SARS2: variants seen among roughly 807,000 people sequenced by gnomAD.
SARS2 encodes the protein seryl-tRNA synthetase 2, mitochondrial.
In SARS2, 52 loss-of-function variants were observed where a neutral mutation model predicts 66.8. The ratio of observed to expected loss-of-function variants is 0.78; its 90% CI spans 0.62 to 0.98. The LOEUF (loss-of-function observed/expected upper bound fraction) is 0.98, where lower values mean the gene tolerates loss of function less well. Among genes scored for constraint, SARS2 ranks in the 50% least tolerant of loss-of-function variants. The probability of loss-of-function intolerance (pLI) is 0.00; values close to 1 mark genes in which losing one functional copy is unlikely to be tolerated. For missense variants in SARS2, 673 were observed against 706.3 expected, an observed-to-expected ratio of 0.95 and a Z score of 0.53; for synonymous variants, 306 against 281.4, an observed-to-expected ratio of 1.09 and a Z score of -0.87.
chr19:38,917,376 C>T (rs891919330), intron 12 of SARS2, among the ~76,000 whole-genome samples: 12 of 152,246 alleles, frequency 7.9e-5, no homozygotes, highest in African/African-American at 2.9e-4. Flanking sequence ...CAACCTCTGG[C>T]TCCCCCTTTT....
At chr19:38,918,382 A>G (rs752619987) in intron 9 of SARS2, 40 bp downstream of exon 9, 26 of 1,567,776 alleles carry the variant, frequency 1.7e-5, no homozygotes, top group Non-Finnish European at 2.2e-5. Context: ...GTCCTTCCAC[A>G]TCACTCCTGC....
chr19:38,926,950 T>C (rs1183662460), intron 1 of SARS2, among the ~76,000 whole-genome samples: 2 of 150,308 alleles, frequency 1.3e-5, no homozygotes, highest in Non-Finnish European at 3.0e-5. Context: ...TTTTTTTTTT[T>C]TTCTGAGACA....
At chr19:38,921,070 TACAGAC>T (rs1249589998) in intron 5 of SARS2, among the ~76,000 whole-genome samples, 6,951 of 68,460 alleles carry the variant, frequency 0.1, 617 homozygotes, top group African/African-American at 0.37. Flanking sequence ...CACATACAGA[TACAGAC>T]ACACAGATAC....
At chr19:38,930,323 G>T in intron 1 of SARS2, 147 bp downstream of exon 1, 3 of 1,024,148 alleles carry the variant, frequency 2.9e-6, no homozygotes, top group South Asian at 1.6e-5. Context: ...TGGCACATAA[G>T]TGGGTGCCAT....
chr19:38,930,440 G>C, intron 1 of SARS2, 30 bp downstream of exon 1: 2 of 1,577,368 alleles, frequency 1.3e-6, no homozygotes, highest in Non-Finnish European at 1.7e-6. Context: ...GCAAACGTCT[G>C]CGCCCCCCGG....
intron 2 of SARS2, among the ~76,000 whole-genome samples, chr19:38,925,396 T>C (rs924021814): frequency 6.6e-6 from 1 of 152,196 alleles, no homozygotes; most frequent in Non-Finnish European, 1.5e-5. Flanking sequence ...TGGTAGCCTG[T>C]AGTTCAGGGG....
intron 2 of SARS2, among the ~76,000 whole-genome samples, chr19:38,925,777 A>G (rs1668206188): frequency 6.6e-6 from 1 of 152,188 alleles, no homozygotes; most frequent in African/African-American, 2.4e-5. Flanking sequence ...GGGTCCTGCA[A>G]CAGCTCGCTA....
intron 5 of SARS2, among the ~76,000 whole-genome samples, chr19:38,920,990 C>CAG (rs1208779562): frequency 1.3e-5 from 2 of 149,314 alleles, no homozygotes; most frequent in Non-Finnish European, 3.0e-5. Flanking sequence ...AACACAGACA[C>CAG]ACACACACAG....
In SARS2 at chr19:38,918,913, C is replaced by T. The variant is rs533604342; in HGVS notation, c.760-100G>A. The T allele has an allele frequency of 7.5e-5, 92 of 1,226,204 alleles. No homozygotes were observed. In the African/African-American group the frequency reaches 7.8e-4, roughly 10 times the overall value. The allele number at this position is 1,226,204 out of a possible 1,614,324, so 76.0% of individuals were successfully genotyped here. ...GCTGCAGAGCCCCTTCCTCCTCAGA[C>T]GAAACTGAGGCAGGGGCTGGCGCAG... On this transcript the variant is annotated intron_variant, in intron 7 of 15. Coordinates refer to ENST00000221431, the MANE Select transcript of SARS2 (RefSeq NM_017827.4).
At position 38,920,346 on chromosome 19, in the gene SARS2, C is replaced by G. The variant is rs12460327; in HGVS notation, c.590-197G>C. Among the ~76,000 whole-genome samples, 39,051 of 150,462 alleles carry G rather than the reference C, an allele frequency of 0.26. 5,651 individuals carry two copies. Among genetic ancestry groups the G allele is most frequent in the East Asian group, 0.44 (2,223 of 5,058 alleles). On this transcript the variant is annotated intron_variant, in intron 5 of 15. Coordinates refer to ENST00000221431, the MANE Select transcript of SARS2 (RefSeq NM_017827.4). The stretch of plus-strand genomic sequence containing the variant: ...AGACAGGAAGGGAGGGAGATAAAAA[C>G]AGAGACAGGGAGAGGAAATGAGAGG...
chr19:38,928,487 A>C (rs1230171048), intron 1 of SARS2: 1 of 150,326 alleles, frequency 6.7e-6, no homozygotes, highest in African/African-American at 2.4e-5. Context: ...TTAAAGAACA[A>C]GAATGCATCA....
rs71165593 is a variant in SARS2, at chr19:38,916,664, G to GTT, written c.1161-352_1161-351dup. On this transcript the variant is annotated intron_variant, in intron 12 of 15. Transcript: ENST00000221431. ...CATTTGCACCTTCTAGGCACCCTCG[G>GTT]TTTTTTTTTTTTTTTTGAGACGGAG... Among the ~76,000 whole-genome samples, 546 of 133,780 alleles carry GTT rather than the reference G, an allele frequency of 4.1e-3. 5 individuals are homozygous for GTT. The highest frequency in any genetic ancestry group is 0.014 in the East Asian group (65 of 4,542). The allele number at this position is 133,780 out of a possible 152,430, so 87.8% of individuals were successfully genotyped here.
At position 38,918,510 on chromosome 19, in the gene SARS2, T is replaced by C; in HGVS notation, c.828A>G (p.Pro276=). 6.2e-7 allele frequency: 1 copy of C among 1,614,058 alleles called. No homozygotes were observed. Among genetic ancestry groups the C allele is most frequent in the African/African-American group, 1.3e-5 (1 of 75,048 alleles). Residue 276 remains proline (P), a synonymous_variant, in exon 9 of 16, where the codon CCA becomes CCG. Coordinates refer to ENST00000221431, the MANE Select transcript of SARS2 (RefSeq NM_017827.4). Reference sequence around the variant, plus strand: ...TGTAAATTTGGGATGGGTTGGCATTTGGTGTCATCCCACAGCCTTCCTGGG... The same window carrying C: ...TGTAAATTTGGGATGGGTTGGCATTCGGTGTCATCCCACAGCCTTCCTGGG... The part of the protein sequence containing the change: ...GAVFEGCGMT[P]NANPSQIYNI...
chr19:38,930,541 A>G lies in SARS2; in HGVS notation c.196T>C (p.Cys66Arg). ...PQLDIERFCA[C>R]PEEAAHALEL... The stretch of plus-strand genomic sequence containing the variant: ...AGGGCGTGTGCGGCCTCTTCTGGGC[A>G]TGCGCAGAACCGCTCTATGTCCAGC... Residue 66 changes from cysteine (C) to arginine (R), a missense_variant, in exon 1 of 16, where the codon TGC (cysteine) becomes CGC (arginine). Coordinates refer to ENST00000221431, the MANE Select transcript of SARS2 (RefSeq NM_017827.4). 1 of 1,613,658 alleles carries G rather than the reference A, an allele frequency of 6.2e-7. No individual in the cohort carries two copies. The highest frequency in any genetic ancestry group is 8.5e-7 in the Non-Finnish European group (1 of 1,179,998).
Position 38,919,968 on chromosome 19 carries a change from G to A in SARS2, c.654-101C>T. ...AGAGGCCCGGCTGCTGGGTGGGGCT[G>A]GGGCATCAAAGATTCATGGCATTTC... On this transcript the variant is annotated intron_variant, in intron 6 of 15. Transcript: ENST00000221431. 8 of 1,363,842 alleles carry A rather than the reference G, an allele frequency of 5.9e-6. No homozygotes were observed. In the South Asian group the frequency reaches 9.8e-5, roughly 17 times the overall value. The allele number at this position is 1,363,842 out of a possible 1,614,324, so 84.5% of individuals were successfully genotyped here. A position where few individuals can be genotyped will look rare whatever the true frequency, so the allele number is the denominator to read the frequency against.
At chr19:38,923,763 G>A (rs191278117) in intron 2 of SARS2, among the ~76,000 whole-genome samples, 1,932 of 151,660 alleles carry the variant, frequency 0.013, 45 homozygotes, top group African/African-American at 0.044. Context: ...GGCGGATCAC[G>A]AGGTCAGGAG....
chr19:38,922,244 C>A lies in SARS2; in HGVS notation c.387G>T (p.Val129=). 2 of 1,614,146 alleles carry A rather than the reference C, an allele frequency of 1.2e-6. No homozygotes were observed. The highest frequency in any genetic ancestry group is 1.7e-6 in the Non-Finnish European group (2 of 1,180,020). ...ALLANQDSGE[V]QQDPKYQGLR... is the part of the protein sequence containing the mutation. ...CATCAACTCTTCACAGTACCTGCTGCACTTCACCACTGTCCTGGTTTGCCT... is the reference window on the plus strand; with the variant it reads ...CATCAACTCTTCACAGTACCTGCTGAACTTCACCACTGTCCTGGTTTGCCT... The change falls in exon 3 of 16, where the codon GTG becomes GTT. Residue 129 remains valine (V), a synonymous_variant. Transcript: ENST00000221431.
chr19:38,927,922 A>C (rs1279541329), intron 1 of SARS2, among the ~76,000 whole-genome samples: 1 of 151,954 alleles, frequency 6.6e-6, no homozygotes, highest in African/African-American at 2.4e-5. Context: ...AATCCCAGCT[A>C]CTCAGGAGGC....
rs761049654 is a variant in SARS2, at chr19:38,921,575, C to G, written c.486G>C (p.Gln162His). The change falls in exon 4 of 16, where the codon CAG (glutamine) becomes CAC (histidine). Residue 162 changes from glutamine to histidine, a missense_variant. Gln to His is a conservative substitution (Grantham distance 24, BLOSUM62 0). Transcript: ENST00000221431. The stretch of plus-strand genomic sequence containing the variant: ...GCAGCTTCAGCGCCTGCAGGTAGAA[C>G]TGCTCCTCAAGCTGGGCCTCCCTGG... ...LYPREAQLEEQFYLQALKLPN... is the reference protein window; with the variant it reads ...LYPREAQLEEHFYLQALKLPN... 1 of 1,614,120 alleles carries G rather than the reference C, an allele frequency of 6.2e-7. No individual in the cohort carries two copies. Among genetic ancestry groups the G allele is most frequent in the African/African-American group, 1.3e-5 (1 of 74,948 alleles).
Sources: allele counts gnomAD v4.1 joint callset (sites outside exome capture counted in the v4.1 genomes callset), GRCh38; gene constraint gnomAD v4.1.1; transcripts MANE v1.5; gene names NCBI Gene and HGNC (gene_info 2026-07-23, HGNC 2026-07-21).